Variants in SHROOM3 observed in about 807,000 individuals in gnomAD.
SHROOM3 encodes protein Shroom3.
Under a neutral mutation model 138.6 loss-of-function variants are expected in SHROOM3, and 47 were observed. That is an observed-to-expected ratio of 0.34 (90% confidence interval 0.27 to 0.43). The LOEUF is 0.43. SHROOM3 is among the 20% of genes least tolerant of loss of function. The pLI, the probability that SHROOM3 is intolerant of heterozygous loss-of-function variation, is 1.00. For missense variants in SHROOM3, 2,491 were observed against 2,596.5 expected (o/e 0.96, Z 0.88); for synonymous variants, 1,062 against 1,063.3 (o/e 1.00, Z 0.02).
At chr4:76,730,705 A>T in intron 3 of SHROOM3, 99 bp from the exon 4 acceptor site, 1 of 1,520,976 alleles carries the variant, frequency 6.6e-7, no homozygotes. Context: ...ATCTCTGAGG[A>T]CACAGCAGTC....
chr4:76,650,235 T>A (rs749231687), intron 2 of SHROOM3, among the ~76,000 whole-genome samples: 5 of 152,122 alleles, frequency 3.3e-5, no homozygotes, highest in Admixed American at 6.5e-5. Context: ...AAAACTACAA[T>A]GAGATATCTC....
intron 1 of SHROOM3, among the ~76,000 whole-genome samples, chr4:76,514,188 A>G (rs751333423): frequency 9.2e-5 from 14 of 152,232 alleles, no homozygotes; most frequent in Non-Finnish European, 1.8e-4. Flanking sequence ...AAAAATGAAA[A>G]CATACATCCA....
chr4:76,684,528 C>G (rs963357287), intron 2 of SHROOM3, among the ~76,000 whole-genome samples: 2 of 152,234 alleles, frequency 1.3e-5, no homozygotes, highest in African/African-American at 4.8e-5. Context: ...GAATAACTCT[C>G]ATCTACCTAG....
At chr4:76,561,471 C>T (rs1200110814) in intron 2 of SHROOM3, among the ~76,000 whole-genome samples, 1 of 152,028 alleles carries the variant, frequency 6.6e-6, no homozygotes, top group Non-Finnish European at 1.5e-5. Context: ...GGTCTTAAGA[C>T]TTTCAGCCCT....
chr4:76,608,654 A>G (rs1188945916), intron 2 of SHROOM3, among the ~76,000 whole-genome samples: 22 of 25,234 alleles, frequency 8.7e-4, no homozygotes, highest in South Asian at 4.9e-3. Flanking sequence ...AGCATAGCAT[A>G]GCATAGCATA....
At position 76,471,322 on chromosome 4, in the gene SHROOM3, C is replaced by A. The variant is rs1731366616; in HGVS notation, c.168+35102C>A. The stretch of plus-strand genomic sequence containing the variant: ...GCAGTGGCGTGATCTTGGCTCACTA[C>A]AACCTTTGCCTCCCGACTTCAAGTG... On this transcript the variant is annotated intron_variant, in intron 1 of 10. Coordinates refer to ENST00000296043, the MANE Select transcript of SHROOM3 (RefSeq NM_020859.4). Among the ~76,000 whole-genome samples, 6 of 151,206 alleles carry A rather than the reference C, an allele frequency of 4.0e-5. No homozygotes were observed. The South Asian group carries it at 1.3e-3, about 32-fold the overall frequency.
intron 2 of SHROOM3, among the ~76,000 whole-genome samples, chr4:76,585,729 G>A (rs1206282159): frequency 6.6e-6 from 1 of 152,070 alleles, no homozygotes; most frequent in African/African-American, 2.4e-5. Flanking sequence ...TATGTCTGTG[G>A]TGATTTTTAT....
intron 2 of SHROOM3, among the ~76,000 whole-genome samples, chr4:76,599,823 TG>T (rs769688777): frequency 2.2e-4 from 34 of 152,108 alleles, no homozygotes; most frequent in Non-Finnish European, 4.4e-4. Flanking sequence ...TCACAAGTGG[TG>T]GCTGTGGAAA....
chr4:76,482,819 A>G (rs1579184937), intron 1 of SHROOM3, among the ~76,000 whole-genome samples: 1 of 152,222 alleles, frequency 6.6e-6, no homozygotes. Context: ...CCAATGGAAC[A>G]GAACAGAGGC....
chr4:76,660,280 G>A (rs946480880), intron 2 of SHROOM3, among the ~76,000 whole-genome samples: 2 of 152,050 alleles, frequency 1.3e-5, no homozygotes, highest in Non-Finnish European at 2.9e-5. Context: ...GTGATTTGAG[G>A]TCCTCTCTAG....
At position 76,524,598 on chromosome 4, in the gene SHROOM3, C is replaced by A. The variant is rs188762299; in HGVS notation, c.169-31011C>A. Reference sequence around the variant, plus strand: ...TTCTCCCTGCTGCATCCTCCAGGCACACCTGGATGGGGCATGTTAGGTTTC... The same window carrying A: ...TTCTCCCTGCTGCATCCTCCAGGCAAACCTGGATGGGGCATGTTAGGTTTC... On this transcript the variant is annotated intron_variant, in intron 1 of 10. Coordinates refer to ENST00000296043, the MANE Select transcript of SHROOM3 (RefSeq NM_020859.4). 3.3e-5 allele frequency among the ~76,000 whole-genome samples: 5 copies of A among 152,314 alleles called. No individual in the cohort carries two copies. The East Asian group carries it at 9.6e-4, about 29-fold the overall frequency.
intron 1 of SHROOM3, among the ~76,000 whole-genome samples, chr4:76,448,137 TTTA>T (rs918196988): frequency 2.6e-5 from 4 of 152,190 alleles, no homozygotes; most frequent in Admixed American, 6.5e-5. Context: ...GATTCTTTTA[TTTA>T]TTATTTTGTG....
intron 1 of SHROOM3, among the ~76,000 whole-genome samples, chr4:76,494,159 A>AT (rs5859517): frequency 0.67 from 97,112 of 144,078 alleles, 32,941 homozygotes; most frequent in East Asian, 0.77. Context: ...CCCCAGATTG[A>AT]TTTTTTTTTT....
intron 2 of SHROOM3, among the ~76,000 whole-genome samples, chr4:76,571,492 G>A (rs1427917380): frequency 6.6e-5 from 10 of 152,152 alleles, no homozygotes; most frequent in African/African-American, 1.4e-4. Context: ...TAGCCTTCCC[G>A]TGTTGTCTCA....
intron 1 of SHROOM3, among the ~76,000 whole-genome samples, chr4:76,512,263 G>A (rs1337040738): frequency 6.6e-6 from 1 of 152,194 alleles, no homozygotes; most frequent in Non-Finnish European, 1.5e-5. Flanking sequence ...ACTGGAAACT[G>A]ACCTTGCAAC....
intron 3 of SHROOM3, among the ~76,000 whole-genome samples, chr4:76,717,223 C>CA (rs1720400911): frequency 6.6e-6 from 1 of 152,104 alleles, no homozygotes; most frequent in Non-Finnish European, 1.5e-5. Context: ...ATCTTTGCTC[C>CA]CCTATAGGTG....
intron 6 of SHROOM3, among the ~76,000 whole-genome samples, chr4:76,750,669 C>G (rs2131539): frequency 0.6 from 91,528 of 151,792 alleles, 27,856 homozygotes; most frequent in African/African-American, 0.69. Flanking sequence ...TAAAATAAAA[C>G]TTGGAAAGGA....
intron 2 of SHROOM3, among the ~76,000 whole-genome samples, chr4:76,614,138 C>A (rs920632644): frequency 1.3e-5 from 2 of 152,152 alleles, no homozygotes; most frequent in Non-Finnish European, 2.9e-5. Flanking sequence ...TCACTGCAAG[C>A]TCCGCCTCCC....
At chr4:76,500,362 G>C (rs1038160448) in intron 1 of SHROOM3, among the ~76,000 whole-genome samples, 1 of 152,246 alleles carries the variant, frequency 6.6e-6, no homozygotes, top group East Asian at 1.9e-4. Flanking sequence ...GCAGCTACAG[G>C]TCTCCCTGTG....
Sources: gnomAD v4.1 joint callset for allele counts (sites outside exome capture counted in the v4.1 genomes callset) on GRCh38, gnomAD v4.1.1 for gene constraint, MANE v1.5 for transcripts, NCBI Gene and HGNC (gene_info 2026-07-23, HGNC 2026-07-21) for gene names.